LOXL4: variants seen among roughly 807,000 people sequenced by gnomAD.
LOXL4 encodes lysyl oxidase homolog 4.
A neutral mutation model predicts 89.1 loss-of-function variants in LOXL4; 72 were observed. The observed-to-expected ratio is 0.81, with a 90% confidence interval of 0.67 to 0.98. The LOEUF is 0.98. Ranked by LOEUF, LOXL4 falls within the 50% of genes least tolerant of loss-of-function variation. LOXL4 has a pLI of 0.00. For missense variants in LOXL4, 984 were observed against 1,017.5 expected, an observed-to-expected ratio of 0.97 and a Z score of 0.45; for synonymous variants, 355 against 392.1, an observed-to-expected ratio of 0.91 and a Z score of 1.12.
chr10:98,258,820 A>G lies in LOXL4; in HGVS notation c.921+189T>C, dbSNP rs146374102. ...TCAAGGCGGGTGATGTCAGCTTTCC[A>G]TTTATGGTAGGGCTATAAATGATCC... On this transcript the variant is annotated intron_variant, in intron 6 of 14. Transcript: ENST00000260702. 1.5e-3 allele frequency among the ~76,000 whole-genome samples: 234 copies of G among 152,238 alleles called. 2 individuals carry two copies. Among genetic ancestry groups the G allele is most frequent in the African/African-American group, 5.6e-3 (231 of 41,534 alleles).
intron 14 of LOXL4, 96 bp from the exon 15 acceptor site, chr10:98,249,087 T>TA: frequency 2.2e-6 from 2 of 924,992 alleles, no homozygotes; most frequent in Non-Finnish European, 3.5e-6. Flanking sequence ...GCTCATCCTT[T>TA]ATATCAAGTC....
intron 1 of LOXL4, among the ~76,000 whole-genome samples, chr10:98,267,382 G>T (rs1056199779): frequency 2.0e-5 from 3 of 152,228 alleles, no homozygotes; most frequent in Non-Finnish European, 2.9e-5. Context: ...TGCTCCAGGT[G>T]TGCCAGGAGA....
At chr10:98,267,706 C>T (rs1190452880) in intron 1 of LOXL4, among the ~76,000 whole-genome samples, 4 of 152,128 alleles carry the variant, frequency 2.6e-5, no homozygotes, top group Admixed American at 6.5e-5. Context: ...ACGCCGACCC[C>T]CCAACATAAT....
Position 98,259,186 on chromosome 10 carries a change from C to G in LOXL4, c.744G>C (p.Gln248His), listed in dbSNP as rs147021011. Residue 248 changes from glutamine to histidine, a missense_variant, in exon 6 of 15, where the codon CAG becomes CAC. By Grantham distance (24) the Gln-to-His change is conservative. Coordinates refer to ENST00000260702, the MANE Select transcript of LOXL4 (RefSeq NM_032211.7). ...LTNKNSFWIH[Q>H]VTCLGTEPHM... The stretch of plus-strand genomic sequence containing the variant: ...GGGGCTCTGTCCCCAGGCAGGTGAC[C>G]TGGTGGATCCAGAAGGAGTTCTTAT... 6.6e-5 allele frequency: 107 copies of G among 1,612,116 alleles called. 1 individual carries two copies. In the African/African-American group the frequency reaches 1.3e-3, roughly 19 times the overall value.
rs761482236 is a variant in LOXL4, at chr10:98,248,944, G to T, written c.2248C>A (p.Arg750Ser). 5.0e-6 allele frequency: 8 copies of T among 1,613,818 alleles called. No homozygotes were observed. Among genetic ancestry groups the T allele is most frequent in the Non-Finnish European group, 6.8e-6 (8 of 1,179,856 alleles). ...NAELSLEQEQRLRNNLI is the reference protein window; with the variant it reads ...NAELSLEQEQSLRNNLI ...CTTCAGATGAGGTTGTTCCTGAGAC[G>T]CTGTTCCTGCTCCAGGGAGAGTTCT... The change falls in exon 15 of 15, where the codon CGT (arginine) becomes AGT (serine). Residue 750 changes from arginine to serine, a missense_variant. Physicochemically the swap from Arg to Ser is moderately radical, Grantham distance 110. Transcript: ENST00000260702.
intron 10 of LOXL4, among the ~76,000 whole-genome samples, chr10:98,254,239 G>A (rs373155374): frequency 1.3e-5 from 2 of 152,352 alleles, no homozygotes; most frequent in South Asian, 2.1e-4. Context: ...AGCCTGTAAA[G>A]TGCCTTTATG....
intron 1 of LOXL4, among the ~76,000 whole-genome samples, chr10:98,264,942 T>C (rs1050997140): frequency 6.6e-6 from 1 of 152,190 alleles, no homozygotes; most frequent in African/African-American, 2.4e-5. Flanking sequence ...CTCACTTCCA[T>C]GGATGGCATC....
intron 8 of LOXL4, 86 bp downstream of exon 8, chr10:98,257,564 C>G (rs1590880138): frequency 6.7e-7 from 1 of 1,489,836 alleles, no homozygotes; most frequent in East Asian, 2.3e-5. Context: ...TCCTGGACCT[C>G]TCCCCGCTAG....
chr10:98,262,760 T>G lies in LOXL4; in HGVS notation c.260A>C (p.Lys87Thr). The G allele has an allele frequency of 6.2e-7, 1 of 1,613,082 alleles. No homozygotes were observed. The highest frequency in any genetic ancestry group is 8.5e-7 in the Non-Finnish European group (1 of 1,179,822). Residue 87 changes from lysine (K) to threonine (T), a missense_variant, in exon 2 of 15, where the codon AAG becomes ACG. By Grantham distance (78) the Lys-to-Thr change is moderately conservative. Transcript: ENST00000260702. ...TCACTCACCCTCCCCTTGGCCGTAC[T>G]TGGCACTGTGGGCCCAGGTCAAGGC... ...EAALTWAHSA[K>T]YGQGEGPIWL... is the part of the protein sequence containing the mutation.
chr10:98,260,455 A>C (rs1252494360), intron 4 of LOXL4, among the ~76,000 whole-genome samples: 1 of 140,244 alleles, frequency 7.1e-6, no homozygotes, highest in African/African-American at 2.6e-5. Context: ...TTTTATGTTC[A>C]ACTGTTTTCA....
Position 98,248,999 on chromosome 10 carries a change from C to A in LOXL4, c.2201-8G>T. 6.2e-7 allele frequency: 1 copy of A among 1,613,142 alleles called. No homozygotes were observed. Among genetic ancestry groups the A allele is most frequent in the African/African-American group, 1.3e-5 (1 of 75,020 alleles). On this transcript the variant is annotated splice_region_variant and splice_polypyrimidine_tract_variant and intron_variant, in intron 14 of 14. Coordinates refer to ENST00000260702, the MANE Select transcript of LOXL4 (RefSeq NM_032211.7). ...TGGCTGGGTATGAATTCCCTGTGGG[C>A]CAAAGGAAAACAGGTAAGTAGCCAA...
chr10:98,263,834 C>G (rs1056885382), intron 1 of LOXL4, among the ~76,000 whole-genome samples: 4 of 151,226 alleles, frequency 2.6e-5, no homozygotes, highest in African/African-American at 9.8e-5. Context: ...CAGGTTTAAG[C>G]AATTCTCTGC....
rs144191380 is a variant in LOXL4 at position 98,253,641 on chromosome 10, G to A, written c.1747C>T (p.Arg583Cys). The stretch of plus-strand genomic sequence containing the variant: ...AGATTGTAGATCTGTGTGGAGAAGC[G>A]CAATAGGCGGCGGTATCCGTAGGGC... ...DWPYGYRRLL[R>C]FSTQIYNLGR... Residue 583 changes from arginine (R) to cysteine (C), a missense_variant, in exon 11 of 15, where the codon CGC becomes TGC. Physicochemically the swap from Arg to Cys is radical, Grantham distance 180. Coordinates refer to ENST00000260702, the MANE Select transcript of LOXL4 (RefSeq NM_032211.7). 1.5e-4 allele frequency: 235 copies of A among 1,614,098 alleles called. 1 individual carries two copies. The highest frequency in any genetic ancestry group is 1.9e-4 in the Non-Finnish European group (221 of 1,180,048).
rs142132198 is a variant in LOXL4, at chr10:98,258,610, C to A, written c.921+399G>T. The stretch of plus-strand genomic sequence containing the variant: ...GCGCTGAGGCATCTGTACCACCTCA[C>A]GGCATCTGTACCACCTCATGAGGGC... On this transcript the variant is annotated intron_variant, in intron 6 of 14. Coordinates refer to ENST00000260702, the MANE Select transcript of LOXL4 (RefSeq NM_032211.7). Among the ~76,000 whole-genome samples, 1,151 of 151,226 alleles carry A rather than the reference C, an allele frequency of 7.6e-3. 12 individuals are homozygous for A. The highest frequency in any genetic ancestry group is 0.011 in the Non-Finnish European group (774 of 67,972).
intron 13 of LOXL4, 33 bp from the exon 14 acceptor site, chr10:98,251,209 T>C (rs1485558469): frequency 6.7e-7 from 1 of 1,500,004 alleles, no homozygotes; most frequent in African/African-American, 1.4e-5. Flanking sequence ...TGAAAATGGG[T>C]GATTTGGTTT....
chr10:98,264,100 C>G (rs11189527), intron 1 of LOXL4, among the ~76,000 whole-genome samples: 47,390 of 151,338 alleles, frequency 0.31, 7,591 homozygotes, highest in Non-Finnish European at 0.36. Flanking sequence ...AGCTTGGATA[C>G]CCTGTGATAG....
intron 12 of LOXL4, 67 bp downstream of exon 12, chr10:98,252,286 G>T: frequency 1.6e-6 from 2 of 1,253,488 alleles, no homozygotes; most frequent in Non-Finnish European, 2.3e-6. Flanking sequence ...GAGAAAGCCT[G>T]ATCCCAAAGG....
Position 98,252,383 on chromosome 10 carries a change from A to G in LOXL4, c.1921T>C (p.Phe641Leu). The G allele has an allele frequency of 2.5e-6, 4 of 1,614,112 alleles. No homozygotes were observed. The highest frequency in any genetic ancestry group is 3.4e-6 in the Non-Finnish European group (4 of 1,179,970). Residue 641 changes from phenylalanine to leucine, a missense_variant, in exon 12 of 15, where the codon TTC becomes CTC. By Grantham distance (22) the Phe-to-Leu change is conservative. Transcript: ENST00000260702. The stretch of plus-strand genomic sequence containing the variant: ...GGGCAGTTTGTGTCCTCCAGACAGA[A>G]GCTGGCCTTGTGCCCCTCAGCCACC... ...SKVAEGHKASFCLEDTNCPTG... is the reference protein window; with the variant it reads ...SKVAEGHKASLCLEDTNCPTG...
At chr10:98,257,546 GC>G in intron 8 of LOXL4, 103 bp downstream of exon 8, 1 of 1,370,692 alleles carries the variant, frequency 7.3e-7, no homozygotes, top group Non-Finnish European at 9.9e-7. Flanking sequence ...AGAAGCGCTA[GC>G]CGCTCCTCCT....
Sources: allele counts gnomAD v4.1 joint callset (sites outside exome capture counted in the v4.1 genomes callset), GRCh38; gene constraint gnomAD v4.1.1; transcripts MANE v1.5; gene names NCBI Gene and HGNC (gene_info 2026-07-23, HGNC 2026-07-21).